The following DRC11 variants were observed in gnomAD, a reference collection of about 807,000 sequenced individuals.
DRC11 encodes IQ and AAA domain-containing protein 1.
the DRC11 span, among the ~76,000 whole-genome samples, chr2:236,348,234 C>CTAG: frequency 1.3e-5 from 2 of 152,158 alleles, no homozygotes; most frequent in African/African-American, 4.8e-5. The surrounding 1 kb of genome is among the most constrained non-coding windows in gnomAD (Gnocchi z 7.4). Flanking sequence ...ATCCGGAGTT[C>CTAG]TAGTCAGTGT....
At chr2:236,444,037 T>A in the DRC11 span, among the ~76,000 whole-genome samples, 3 of 151,366 alleles carry the variant, frequency 2.0e-5, no homozygotes, top group African/African-American at 7.3e-5. Context: ...TTTAATGGGG[T>A]TGTTTTTTTT....
the DRC11 span, among the ~76,000 whole-genome samples, chr2:236,328,926 T>C: frequency 6.6e-6 from 1 of 152,218 alleles, no homozygotes; most frequent in Non-Finnish European, 1.5e-5. This position sits in a 1 kb window ranked among gnomAD's most constrained non-coding sequence, Gnocchi z 6.7. Flanking sequence ...GTCAGAAACC[T>C]GGAACGGGCC....
chr2:236,421,625 A>G, the DRC11 span, among the ~76,000 whole-genome samples: 1 of 152,252 alleles, frequency 6.6e-6, no homozygotes, highest in African/African-American at 2.4e-5. Context: ...GAATTCTACC[A>G]GAGGTACAAG....
the DRC11 span, chr2:236,377,251 T>C: frequency 2.1e-6 from 2 of 938,668 alleles, no homozygotes; most frequent in Non-Finnish European, 3.5e-6. This position sits in a 1 kb window ranked among gnomAD's most constrained non-coding sequence, Gnocchi z 4.9. Flanking sequence ...TTTCTGTTAA[T>C]GATCACATAC....
the DRC11 span, among the ~76,000 whole-genome samples, chr2:236,478,009 G>A: frequency 6.6e-6 from 1 of 150,420 alleles, no homozygotes; most frequent in Non-Finnish European, 1.5e-5. This position sits in a 1 kb window ranked among gnomAD's most constrained non-coding sequence, Gnocchi z 5.9. Context: ...GTTGATTTGT[G>A]TGTGTGTGTG....
the DRC11 span, among the ~76,000 whole-genome samples, chr2:236,392,653 A>G: frequency 3.9e-5 from 6 of 152,210 alleles, no homozygotes; most frequent in African/African-American, 1.4e-4. The surrounding 1 kb of genome is among the most constrained non-coding windows in gnomAD (Gnocchi z 5.1). Flanking sequence ...TATTATAATC[A>G]TGTAAAAACA....
chr2:236,430,438 G>A, the DRC11 span, among the ~76,000 whole-genome samples: 48 of 152,244 alleles, frequency 3.2e-4, 1 homozygote, highest in African/African-American at 7.0e-4. The surrounding 1 kb of genome is among the most constrained non-coding windows in gnomAD (Gnocchi z 6.0). Flanking sequence ...AAATGTTAGC[G>A]TATTATACAT....
At chr2:236,507,048 G>C in the DRC11 span, among the ~76,000 whole-genome samples, 1 of 152,124 alleles carries the variant, frequency 6.6e-6, no homozygotes, top group African/African-American at 2.4e-5. Flanking sequence ...GGAGATCTAA[G>C]TGTATGATTT....
the DRC11 span, among the ~76,000 whole-genome samples, chr2:236,338,750 A>G: frequency 6.6e-6 from 1 of 152,228 alleles, no homozygotes; most frequent in Non-Finnish European, 1.5e-5. Flanking sequence ...GAAGCTGGAC[A>G]CAAGACTTCC....
chr2:236,412,223 C>T, the DRC11 span, among the ~76,000 whole-genome samples: 1 of 152,102 alleles, frequency 6.6e-6, no homozygotes, highest in Non-Finnish European at 1.5e-5. Flanking sequence ...CAGAGGGACT[C>T]AGGAGGCAGA....
At chr2:236,321,479 G>A in the DRC11 span, among the ~76,000 whole-genome samples, 1 of 152,006 alleles carries the variant, frequency 6.6e-6, no homozygotes, top group Non-Finnish European at 1.5e-5. Flanking sequence ...GTATATCTAA[G>A]CGTATCTACA....
At chr2:236,399,952 G>T in the DRC11 span, among the ~76,000 whole-genome samples, 1 of 152,018 alleles carries the variant, frequency 6.6e-6, no homozygotes, top group Admixed American at 6.5e-5. The surrounding 1 kb of genome is among the most constrained non-coding windows in gnomAD (Gnocchi z 7.0). Flanking sequence ...CCTAAGCTCA[G>T]GCAATCTGTC....
chr2:236,486,872 T>C, the DRC11 span: 1 of 1,610,832 alleles, frequency 6.2e-7, no homozygotes. This position sits in a 1 kb window ranked among gnomAD's most constrained non-coding sequence, Gnocchi z 5.7. Flanking sequence ...TTTTTCAGTT[T>C]CCTTACGTTG....
chr2:236,447,378 G>A, the DRC11 span, among the ~76,000 whole-genome samples: 9 of 151,686 alleles, frequency 5.9e-5, no homozygotes, highest in Non-Finnish European at 1.3e-4. The surrounding 1 kb of genome is among the most constrained non-coding windows in gnomAD (Gnocchi z 4.6). Context: ...AGAGACGCTG[G>A]GAGCTGGCGA....
chr2:236,459,624 C>CGTACGTATATACGTATATACGTATATAT, the DRC11 span, among the ~76,000 whole-genome samples: 2 of 82,646 alleles, frequency 2.4e-5, no homozygotes, highest in African/African-American at 9.0e-5. Flanking sequence ...TAAGTATATA[C>CGTACGTATATACGTATATACGTATATAT]ATACGTATAT....
the DRC11 span, among the ~76,000 whole-genome samples, chr2:236,438,134 G>C: frequency 1.8e-4 from 25 of 139,084 alleles, no homozygotes; most frequent in East Asian, 4.8e-3. Context: ...GTGTAAGGAA[G>C]GGATCCAGTT....
At chr2:236,392,854 A>C in the DRC11 span, among the ~76,000 whole-genome samples, 2 of 152,222 alleles carry the variant, frequency 1.3e-5, no homozygotes, top group Non-Finnish European at 2.9e-5. The surrounding 1 kb of genome is among the most constrained non-coding windows in gnomAD (Gnocchi z 5.1). Context: ...TTTCTCCCTA[A>C]TTCAACAGCT....
the DRC11 span, chr2:236,343,718 T>G: frequency 7.7e-7 from 1 of 1,304,188 alleles, no homozygotes; most frequent in South Asian, 1.2e-5. This position sits in a 1 kb window ranked among gnomAD's most constrained non-coding sequence, Gnocchi z 6.6. Context: ...GTGGACCTTT[T>G]CAAGTTTTTC....
the DRC11 span, among the ~76,000 whole-genome samples, chr2:236,441,831 A>C: frequency 6.6e-6 from 1 of 152,164 alleles, no homozygotes; most frequent in African/African-American, 2.4e-5. Flanking sequence ...CCCTTAAAAA[A>C]CTGGTTCCCA....
Sources: allele counts gnomAD v4.1 joint callset (sites outside exome capture counted in the v4.1 genomes callset), GRCh38; gene constraint gnomAD v4.1.1; non-coding constraint Gnocchi (gnomAD v3.1); transcripts MANE v1.5; gene names NCBI Gene and HGNC (gene_info 2026-07-23, HGNC 2026-07-21).